Variants in ZBTB46 observed in about 807,000 individuals in gnomAD.
ZBTB46 encodes the protein zinc finger and BTB domain-containing protein 46.
In ZBTB46, 8 loss-of-function variants were observed where a neutral mutation model predicts 44.1. The observed-to-expected ratio is 0.18, with a 90% CI of 0.11 to 0.33. The LOEUF is 0.33. ZBTB46 is among the 10% of genes least tolerant of loss of function. The pLI is 1.00. For synonymous variants in ZBTB46, 409 were observed against 382.3 expected (o/e 1.07, Z -0.81); for missense variants, 651 against 847.7 (o/e 0.77, Z 2.88).
intron 3 of ZBTB46, chr20:63,768,109 C>T (rs1216629082): frequency 1.0e-6 from 1 of 985,294 alleles, no homozygotes; most frequent in African/African-American, 1.7e-5. Flanking sequence ...GACAGCCTGT[C>T]AACAGCCATC....
At chr20:63,781,796 A>C (rs1464771914) in intron 2 of ZBTB46, among the ~76,000 whole-genome samples, 3 of 151,310 alleles carry the variant, frequency 2.0e-5, no homozygotes, top group African/African-American at 7.3e-5. Context: ...TGTCAAAAAA[A>C]AAATAGAGGC....
intron 3 of ZBTB46, among the ~76,000 whole-genome samples, chr20:63,763,708 T>C (rs1194745451): frequency 6.6e-6 from 1 of 152,140 alleles, no homozygotes; most frequent in Non-Finnish European, 1.5e-5. Flanking sequence ...ATCCAAACTG[T>C]ATCAAGAATT....
intron 3 of ZBTB46, among the ~76,000 whole-genome samples, chr20:63,769,972 C>T (rs1167778510): frequency 6.6e-6 from 1 of 152,218 alleles, no homozygotes; most frequent in African/African-American, 2.4e-5. Context: ...CAGAAGCCGT[C>T]CCCGCAGGAA....
intron 1 of ZBTB46, among the ~76,000 whole-genome samples, chr20:63,818,900 C>T (rs1339839649): frequency 5.5e-5 from 8 of 146,422 alleles, no homozygotes; most frequent in South Asian, 2.2e-4. Flanking sequence ...GAAGGCCAGG[C>T]GCAGTGGCTC....
intron 3 of ZBTB46, among the ~76,000 whole-genome samples, chr20:63,774,525 C>T (rs902365409): frequency 2.0e-5 from 3 of 152,110 alleles, no homozygotes; most frequent in Middle Eastern, 3.4e-3. Context: ...CATCTCATGC[C>T]GGACTCGCTC....
At chr20:63,827,818 C>T (rs6062546) in intron 1 of ZBTB46, among the ~76,000 whole-genome samples, 63,999 of 152,152 alleles carry the variant, frequency 0.42, 13,959 homozygotes, top group East Asian at 0.56. Context: ...GCAACAGAAC[C>T]ATTCAACAGA....
intron 1 of ZBTB46, among the ~76,000 whole-genome samples, chr20:63,805,375 C>A (rs1249673803): frequency 6.6e-6 from 1 of 152,144 alleles, no homozygotes; most frequent in African/African-American, 2.4e-5. Flanking sequence ...GCGGCAGAAT[C>A]ACTTGAGCCC....
chr20:63,763,053 T>C (rs148387945), intron 3 of ZBTB46, among the ~76,000 whole-genome samples: 2 of 152,236 alleles, frequency 1.3e-5, no homozygotes, highest in African/African-American at 4.8e-5. Context: ...AGAGATGGGG[T>C]CTTGCTAAGT....
intron 3 of ZBTB46, chr20:63,769,341 G>C: frequency 6.1e-6 from 6 of 985,444 alleles, no homozygotes; most frequent in Non-Finnish European, 7.2e-6. Context: ...GGGTGGAGGG[G>C]CTTCTGTTCT....
chr20:63,779,912 C>CA (rs2092455399), intron 2 of ZBTB46, among the ~76,000 whole-genome samples: 1 of 151,880 alleles, frequency 6.6e-6, no homozygotes, highest in Admixed American at 6.6e-5. Flanking sequence ...TGTAACAAAT[C>CA]AAGGTGAAAA....
chr20:63,775,462 G>T, intron 3 of ZBTB46: 1 of 529,124 alleles, frequency 1.9e-6, no homozygotes, highest in East Asian at 3.3e-5. Flanking sequence ...TCACAACCGC[G>T]TCCATTCCCT....
In ZBTB46 at chr20:63,803,500, C is replaced by T. The variant is rs1444895385; in HGVS notation, c.-33-12710G>A. ...GGCGATGAGGACTTTAGGTTTTCCA[C>T]ATGGCAGCCCCCATGTGGCCATCTG... On this transcript the variant is annotated intron_variant, in intron 1 of 4. Coordinates refer to ENST00000245663, the MANE Select transcript of ZBTB46 (RefSeq NM_001369741.1). This position sits in a 1 kb window ranked among gnomAD's most constrained non-coding sequence, Gnocchi z 4.0. The T allele has an allele frequency of 1.0e-6, 1 of 985,382 alleles. No individual in the cohort carries two copies. The highest frequency in any genetic ancestry group is 1.2e-6 in the Non-Finnish European group (1 of 829,926). The allele number at this position is 985,382 out of a possible 1,614,324, so 61.0% of individuals were successfully genotyped here.
Position 63,745,399 on chromosome 20 carries a change from C to T in ZBTB46, c.*1531G>A, listed in dbSNP as rs1359827631. 1 of 152,274 alleles carries T rather than the reference C, an allele frequency of 6.6e-6. No individual in the cohort carries two copies. Among genetic ancestry groups the T allele is most frequent in the Admixed American group, 6.5e-5 (1 of 15,284 alleles). 9.4% of individuals were successfully genotyped at this position (152,274 alleles called of 1,614,324 possible). A position where few individuals can be genotyped will look rare whatever the true frequency, so the allele number is the denominator to read the frequency against. ...CTGGAGTCCTCCATGTACTCCTCCA[C>T]AGGACCCCCGGCCAGCCCCAGCCCT... On this transcript the variant is annotated 3_prime_UTR_variant, in exon 5 of 5. Coordinates refer to ENST00000245663, the MANE Select transcript of ZBTB46 (RefSeq NM_001369741.1).
intron 4 of ZBTB46, among the ~76,000 whole-genome samples, chr20:63,751,277 C>T (rs534053004): frequency 6.6e-6 from 1 of 152,320 alleles, no homozygotes; most frequent in African/African-American, 2.4e-5. Context: ...TGCAGACCTG[C>T]CATCTCGTGG....
chr20:63,826,890 A>G (rs919136594), intron 1 of ZBTB46, among the ~76,000 whole-genome samples: 5 of 152,162 alleles, frequency 3.3e-5, no homozygotes, highest in African/African-American at 1.2e-4. Flanking sequence ...CCTCCTACGT[A>G]CAGTGGCCCT....
chr20:63,831,013 C>G (rs2092848044), intron 1 of ZBTB46, 84 bp downstream of exon 1: 1 of 142,440 alleles, frequency 7.0e-6, no homozygotes, highest in Non-Finnish European at 1.6e-5. Context: ...GCAGCGGCCC[C>G]GGCTCCCGGC....
Position 63,791,225 on chromosome 20 carries a change from G to A in ZBTB46, c.-33-435C>T, listed in dbSNP as rs148154354. 2.0e-5 allele frequency among the ~76,000 whole-genome samples: 3 copies of A among 152,172 alleles called. No homozygotes were observed. The East Asian group carries it at 5.8e-4, about 29-fold the overall frequency. On this transcript the variant is annotated intron_variant, in intron 1 of 4. Transcript: ENST00000245663. ...GAATAAAACTTCCAGGCTGGGCGCG[G>A]TGGCTCATGCCTGTAATCCCAGCAA...
chr20:63,758,816 C>G (rs887875119), intron 3 of ZBTB46, among the ~76,000 whole-genome samples: 1 of 151,774 alleles, frequency 6.6e-6, no homozygotes, highest in African/African-American at 2.4e-5. Flanking sequence ...ATTGCAAGCT[C>G]CGCCTCCCGG....
At chr20:63,750,231 C>G (rs1384735513) in intron 4 of ZBTB46, among the ~76,000 whole-genome samples, 1 of 152,104 alleles carries the variant, frequency 6.6e-6, no homozygotes, top group Non-Finnish European at 1.5e-5. Context: ...AAAGTCAAGC[C>G]CCATATGCTT....
Sources: gnomAD v4.1 joint callset for allele counts (sites outside exome capture counted in the v4.1 genomes callset) on GRCh38, gnomAD v4.1.1 for gene constraint, Gnocchi (gnomAD v3.1) non-coding constraint, MANE v1.5 for transcripts, NCBI Gene and HGNC (gene_info 2026-07-23, HGNC 2026-07-21) for gene names.